The following DROSHA variants were observed in gnomAD, a reference collection of about 807,000 sequenced individuals.
The protein encoded by DROSHA is ribonuclease 3.
A neutral mutation model predicts 181.9 loss-of-function variants in DROSHA; 56 were observed. The ratio of observed to expected loss-of-function variants is 0.31; its 90% CI spans 0.25 to 0.38. The LOEUF (loss-of-function observed/expected upper bound fraction) is 0.38, where lower values mean the gene tolerates loss of function less well. DROSHA is among the 10% of genes least tolerant of loss of function. The pLI, the probability that DROSHA is intolerant of heterozygous loss-of-function variation, is 1.00. For synonymous variants in DROSHA, 524 were observed against 591.2 expected (o/e 0.89, Z 1.65); for missense variants, 1,218 against 1,743.5 (o/e 0.70, Z 5.37).
intron 16 of DROSHA, among the ~76,000 whole-genome samples, chr5:31,472,979 C>A (rs1446717983): frequency 6.6e-6 from 1 of 152,216 alleles, no homozygotes; most frequent in Non-Finnish European, 1.5e-5. Context: ...GTGGGGTCCA[C>A]AGGCTTCTGC....
chr5:31,425,873 G>A (rs1157054161), intron 27 of DROSHA, among the ~76,000 whole-genome samples: 1 of 152,042 alleles, frequency 6.6e-6, no homozygotes, highest in Non-Finnish European at 1.5e-5. Context: ...AAAGATAATT[G>A]TAGGACCTAC....
rs1561283913 is a variant in DROSHA, at chr5:31,515,506, C to A, written c.1006G>T (p.Glu336Ter). ...PAGCTPELPG[E>*]IIKNTDSWAP... ...CAAGAATCTGTATTTTTAATAATCT[C>A]CCCAGGTAATTCTGGTGTGCATCCA... Residue 336 changes from glutamate (E) to a stop codon, truncating the protein, a stop_gained, in exon 7 of 36, where the codon GAG becomes TAG. Transcript: ENST00000344624. LOFTEE classifies it high-confidence loss of function. The A allele has an allele frequency of 6.6e-7, 1 of 1,509,502 alleles. No homozygotes were observed. Among genetic ancestry groups the A allele is most frequent in the Admixed American group, 2.0e-5 (1 of 50,946 alleles). The allele number at this position is 1,509,502 out of a possible 1,614,324, so 93.5% of individuals were successfully genotyped here. A position where few individuals can be genotyped will look rare whatever the true frequency, so the allele number is the denominator to read the frequency against.
intron 21 of DROSHA, among the ~76,000 whole-genome samples, chr5:31,450,595 G>A (rs776865080): frequency 8.5e-4 from 130 of 152,124 alleles, no homozygotes; most frequent in Non-Finnish European, 1.1e-3. Flanking sequence ...ACCAAATACC[G>A]CATATTCTCA....
intron 30 of DROSHA, among the ~76,000 whole-genome samples, chr5:31,413,658 A>T (rs634394): frequency 1.3e-5 from 2 of 152,012 alleles, no homozygotes; most frequent in Non-Finnish European, 2.9e-5. Context: ...CACCCTCCTC[A>T]GAAGCCACGT....
chr5:31,512,216 C>G (rs1480837875), intron 8 of DROSHA, among the ~76,000 whole-genome samples: 1 of 152,228 alleles, frequency 6.6e-6, no homozygotes, highest in Non-Finnish European at 1.5e-5. Context: ...CAGGCCCCAT[C>G]TCATTGTTGG....
chr5:31,442,591 T>G (rs954508600), intron 23 of DROSHA, among the ~76,000 whole-genome samples: 9 of 152,178 alleles, frequency 5.9e-5, no homozygotes, highest in African/African-American at 1.9e-4. Context: ...ATGCACTTTA[T>G]AAAACACAAC....
In DROSHA at chr5:31,424,518, G is replaced by A. The variant is rs569922833; in HGVS notation, c.3217-47C>T. On this transcript the variant is annotated intron_variant, in intron 27 of 35. Coordinates refer to ENST00000344624, the MANE Select transcript of DROSHA (RefSeq NM_001382508.1). ...TTAATGCTCAAGGGAGCCATTTAAC[G>A]CACTCTAGAGTACTAAATAAAATGT... The A allele has an allele frequency of 1.0e-4, 155 of 1,552,758 alleles. 1 individual carries two copies. The highest frequency in any genetic ancestry group is 9.5e-5 in the South Asian group (8 of 84,314).
chr5:31,492,162 A>T (rs1752501431), intron 13 of DROSHA, among the ~76,000 whole-genome samples: 1 of 152,234 alleles, frequency 6.6e-6, no homozygotes, highest in African/African-American at 2.4e-5. Flanking sequence ...TATATTATGA[A>T]ATGATTTTAT....
chr5:31,453,112 T>G (rs573236759), intron 20 of DROSHA, among the ~76,000 whole-genome samples: 12 of 152,230 alleles, frequency 7.9e-5, no homozygotes, highest in Non-Finnish European at 1.8e-4. Flanking sequence ...TGGTGAATTG[T>G]TTACTTTTTT....
At chr5:31,464,559 G>A (rs889910071) in intron 19 of DROSHA, among the ~76,000 whole-genome samples, 2 of 147,608 alleles carry the variant, frequency 1.4e-5, no homozygotes, top group Non-Finnish European at 3.0e-5. Context: ...TTGGCAACTA[G>A]ATAAGAAAAA....
At chr5:31,419,610 TG>T (rs1742421537) in intron 30 of DROSHA, among the ~76,000 whole-genome samples, 2 of 152,058 alleles carry the variant, frequency 1.3e-5, no homozygotes, top group African/African-American at 4.8e-5. Context: ...GGTGAGCAGG[TG>T]GGAAACAATA....
rs745328816 is a variant in DROSHA, at chr5:31,504,522, G to A, written c.1668+33C>T. Reference sequence around the variant, plus strand: ...ACATCTGTCTACTTCTGGCTTCTCAGCATTTACAAACATAATAACCCAAAC... The same window carrying A: ...ACATCTGTCTACTTCTGGCTTCTCAACATTTACAAACATAATAACCCAAAC... On this transcript the variant is annotated intron_variant, in intron 11 of 35. Coordinates refer to ENST00000344624, the MANE Select transcript of DROSHA (RefSeq NM_001382508.1). The A allele has an allele frequency of 3.9e-5, 62 of 1,608,712 alleles. No individual in the cohort carries two copies. The East Asian group carries it at 1.3e-3, about 34-fold the overall frequency.
At chr5:31,444,788 G>C (rs1175999139) in intron 23 of DROSHA, among the ~76,000 whole-genome samples, 1 of 152,152 alleles carries the variant, frequency 6.6e-6, no homozygotes, top group African/African-American at 2.4e-5. Context: ...TCTGATCTTA[G>C]ACTCTCACAG....
intron 11 of DROSHA, among the ~76,000 whole-genome samples, chr5:31,498,805 C>T (rs777885738): frequency 6.6e-6 from 1 of 151,034 alleles, no homozygotes; most frequent in African/African-American, 2.4e-5. Flanking sequence ...TGCGGTGAGC[C>T]GAAATCACAC....
intron 8 of DROSHA, among the ~76,000 whole-genome samples, chr5:31,511,755 T>C (rs990601157): frequency 1.3e-5 from 2 of 151,102 alleles, no homozygotes; most frequent in African/African-American, 4.9e-5. Flanking sequence ...CCTATTAATA[T>C]GACATTTTTT....
Position 31,477,734 on chromosome 5 carries a change from G to A in DROSHA, c.2072-5502C>T, listed in dbSNP as rs955822166. On this transcript the variant is annotated intron_variant, in intron 16 of 35. Coordinates refer to ENST00000344624, the MANE Select transcript of DROSHA (RefSeq NM_001382508.1). ...GTGTGATCTCACTATCTTGAATCAC[G>A]ACCTACCTTTGCCCCAGTTACACTC... Among the ~76,000 whole-genome samples the A allele has an allele frequency of 1.1e-4, 16 of 152,150 alleles. No individual in the cohort carries two copies. In the South Asian group the frequency reaches 3.1e-3, roughly 30 times the overall value.
chr5:31,458,335 T>C (rs959534923), intron 20 of DROSHA, among the ~76,000 whole-genome samples: 8 of 152,186 alleles, frequency 5.3e-5, no homozygotes, highest in African/African-American at 1.7e-4. Flanking sequence ...TGCTGTTAAA[T>C]TGCTAATCTG....
intron 16 of DROSHA, among the ~76,000 whole-genome samples, chr5:31,474,575 G>A (rs1468563993): frequency 6.6e-6 from 1 of 152,026 alleles, no homozygotes; most frequent in Non-Finnish European, 1.5e-5. Flanking sequence ...TGTTGCCCAG[G>A]CTGTTCTCCA....
At chr5:31,435,714 G>A (rs372085197) in intron 25 of DROSHA, 51 bp downstream of exon 25, 16 of 1,526,642 alleles carry the variant, frequency 1.0e-5, no homozygotes, top group African/African-American at 6.9e-5. Context: ...TGCATGGACC[G>A]CAGAAGAGCA....
Sources: allele counts gnomAD v4.1 joint callset (sites outside exome capture counted in the v4.1 genomes callset), GRCh38; gene constraint gnomAD v4.1.1; transcripts MANE v1.5; gene names NCBI Gene and HGNC (gene_info 2026-07-23, HGNC 2026-07-21).